Variants in CSMD1 observed in about 807,000 individuals in gnomAD.
CSMD1 encodes the protein CUB and Sushi multiple domains 1.
In CSMD1, 213 loss-of-function variants were observed where a neutral mutation model predicts 417.5. The ratio of observed to expected loss-of-function variants is 0.51; its 90% CI spans 0.46 to 0.57. CSMD1 has a LOEUF of 0.57. Ranked by LOEUF, CSMD1 falls within the 20% of genes least tolerant of loss-of-function variation. The pLI, the probability that CSMD1 is intolerant of heterozygous loss-of-function variation, is 0.00. For synonymous variants in CSMD1, 2,862 were observed against 1,736.8 expected (o/e 1.65, Z -16.11); for missense variants, 6,923 against 4,529.7 (o/e 1.53, Z -15.17).
At chr8:3,697,796 C>T (rs1355336845) in intron 7 of CSMD1, among the ~76,000 whole-genome samples, 1 of 152,104 alleles carries the variant, frequency 6.6e-6, no homozygotes, top group African/African-American at 2.4e-5. Context: ...GATGGAAATG[C>T]TAAAATTTAT....
At chr8:4,632,854 G>C (rs1044696811) in intron 2 of CSMD1, among the ~76,000 whole-genome samples, 1 of 152,182 alleles carries the variant, frequency 6.6e-6, no homozygotes, top group African/African-American at 2.4e-5. Context: ...GGTAGAGGGA[G>C]AGGCCGGGAA....
intron 5 of CSMD1, among the ~76,000 whole-genome samples, chr8:3,898,371 C>G (rs1047432745): frequency 6.6e-6 from 1 of 152,058 alleles, no homozygotes; most frequent in African/African-American, 2.4e-5. Context: ...ATGGCATGAT[C>G]TGTTATGGGG....
At chr8:3,071,247 T>G (rs1002395143) in intron 49 of CSMD1, among the ~76,000 whole-genome samples, 1 of 152,118 alleles carries the variant, frequency 6.6e-6, no homozygotes, top group South Asian at 2.1e-4. Flanking sequence ...TATATTAGTA[T>G]GTATATAATT....
At chr8:4,219,480 T>C (rs576565482) in intron 3 of CSMD1, among the ~76,000 whole-genome samples, 1 of 152,164 alleles carries the variant, frequency 6.6e-6, no homozygotes, top group African/African-American at 2.4e-5. Flanking sequence ...AGTCCTGAAT[T>C]TCCTTCCGTC....
chr8:3,060,071 G>T (rs762388535), intron 49 of CSMD1, among the ~76,000 whole-genome samples: 1 of 152,044 alleles, frequency 6.6e-6, no homozygotes, highest in Non-Finnish European at 1.5e-5. Context: ...GTACTTTCCG[G>T]CTCTTTCTAT....
intron 37 of CSMD1, among the ~76,000 whole-genome samples, chr8:3,164,205 G>C (rs1358893906): frequency 6.6e-6 from 1 of 152,160 alleles, no homozygotes; most frequent in African/African-American, 2.4e-5. Context: ...GAAAGCAGTG[G>C]TACATAAACT....
chr8:4,223,032 T>C (rs961779230), intron 3 of CSMD1, among the ~76,000 whole-genome samples: 2 of 152,086 alleles, frequency 1.3e-5, no homozygotes, highest in Non-Finnish European at 2.9e-5. Context: ...TAAGAAGAAC[T>C]GACAACAGGC....
intron 3 of CSMD1, among the ~76,000 whole-genome samples, chr8:4,233,488 C>G (rs1801865560): frequency 6.6e-6 from 1 of 152,118 alleles, no homozygotes; most frequent in Admixed American, 6.5e-5. Flanking sequence ...GAAGAAGGAG[C>G]TTTCATGAAC....
chr8:4,102,955 G>T (rs954834009), intron 3 of CSMD1, among the ~76,000 whole-genome samples: 1 of 152,112 alleles, frequency 6.6e-6, no homozygotes, highest in South Asian at 2.1e-4. Flanking sequence ...CAAATTCCCT[G>T]ATAACTTTAA....
At chr8:3,481,571 A>C (rs1020971218) in intron 11 of CSMD1, among the ~76,000 whole-genome samples, 5 of 152,226 alleles carry the variant, frequency 3.3e-5, no homozygotes, top group African/African-American at 1.2e-4. Flanking sequence ...TTTTCAGATG[A>C]AAGATTTTGC....
chr8:3,968,173 C>T (rs903045360), intron 5 of CSMD1, among the ~76,000 whole-genome samples: 3 of 143,944 alleles, frequency 2.1e-5, no homozygotes, highest in South Asian at 2.4e-4. Context: ...GGTGACAGAG[C>T]GAGACTCCGT....
At chr8:3,485,462 G>A (rs1168990348) in intron 11 of CSMD1, among the ~76,000 whole-genome samples, 1 of 151,454 alleles carries the variant, frequency 6.6e-6, no homozygotes, top group Non-Finnish European at 1.5e-5. Context: ...GAAATTACCT[G>A]TCTTGACTGT....
chr8:4,843,187 A>T (rs6988354), intron 1 of CSMD1, among the ~76,000 whole-genome samples: 1 of 151,964 alleles, frequency 6.6e-6, no homozygotes, highest in African/African-American at 2.4e-5. Context: ...ATTCCAAACC[A>T]CTACATTGAT....
chr8:4,829,697 C>G lies in CSMD1; in HGVS notation c.85+164635G>C, dbSNP rs541725680. Among the ~76,000 whole-genome samples the G allele has an allele frequency of 2.0e-5, 3 of 151,010 alleles. No homozygotes were observed. The South Asian group carries it at 6.3e-4, about 32-fold the overall frequency. ...GGGAGCTTCAGTGACATCTTTGCAC[C>G]TCTGCACTCCAGCTTGGATGGCAGA... On this transcript the variant is annotated intron_variant, in intron 1 of 69. Transcript: ENST00000635120.
At chr8:3,294,358 A>T (rs1803804621) in intron 25 of CSMD1, among the ~76,000 whole-genome samples, 1 of 152,200 alleles carries the variant, frequency 6.6e-6, no homozygotes, top group Non-Finnish European at 1.5e-5. Flanking sequence ...GCTGTCAGAC[A>T]GGGACATTTA....
chr8:3,876,465 G>A (rs2930346), intron 5 of CSMD1, among the ~76,000 whole-genome samples: 6 of 152,268 alleles, frequency 3.9e-5, no homozygotes, highest in Middle Eastern at 3.4e-3. Context: ...TCTTGTTGGA[G>A]AGTCCTAACA....
chr8:3,106,600 C>A lies in CSMD1; in HGVS notation c.6877G>T (p.Val2293Leu), dbSNP rs750526062. 8.7e-6 allele frequency: 14 copies of A among 1,613,754 alleles called. No individual in the cohort carries two copies. ...TTGCAAGTCAGAATGTCGGTCCCCA[C>A]CAAGGTGTACCCGGGGTGGCACTGG... ...KYQCHPGYTL[V>L]GTDILTCKLS... The change falls in exon 46 of 70, where the codon GTG (valine) becomes TTG (leucine). Residue 2293 changes from valine to leucine, a missense_variant. Transcript: ENST00000635120.
In CSMD1 at chr8:4,169,504, T is replaced by A. The variant is rs75159475; in HGVS notation, c.416-137405A>T. Among the ~76,000 whole-genome samples, 675 of 152,266 alleles carry A rather than the reference T, an allele frequency of 4.4e-3. 8 individuals are homozygous for A. Among genetic ancestry groups the A allele is most frequent in the African/African-American group, 0.016 (656 of 41,522 alleles). On this transcript the variant is annotated intron_variant, in intron 3 of 69. Coordinates refer to ENST00000635120, the MANE Select transcript of CSMD1 (RefSeq NM_033225.6). Reference sequence around the variant, plus strand: ...TCTGACCACCTCTACTGCGGCCTTGTCTCCATTTTCTCTCCTCCAGATGAA... The same window carrying A: ...TCTGACCACCTCTACTGCGGCCTTGACTCCATTTTCTCTCCTCCAGATGAA...
intron 10 of CSMD1, among the ~76,000 whole-genome samples, chr8:3,551,420 G>T (rs115826194): frequency 6.6e-6 from 1 of 151,886 alleles, no homozygotes; most frequent in Non-Finnish European, 1.5e-5. Flanking sequence ...CAGTAAACTG[G>T]AATTAACTAA....
Sources: gnomAD v4.1 joint callset for allele counts (sites outside exome capture counted in the v4.1 genomes callset) on GRCh38, gnomAD v4.1.1 for gene constraint, MANE v1.5 for transcripts, NCBI Gene and HGNC (gene_info 2026-07-23, HGNC 2026-07-21) for gene names.